The following SUSD6 variants were observed in gnomAD, a reference collection of about 807,000 sequenced individuals.
The protein encoded by SUSD6 is sushi domain containing 6.
In SUSD6, 16 loss-of-function variants were observed where a neutral mutation model predicts 28.4. The ratio of observed to expected loss-of-function variants is 0.56; its 90% confidence interval spans 0.38 to 0.86. The LOEUF (loss-of-function observed/expected upper bound fraction) is 0.86, where lower values mean the gene tolerates loss of function less well. SUSD6 is among the 40% of genes least tolerant of loss of function. The probability of loss-of-function intolerance (pLI) is 0.00; values close to 1 mark genes in which losing one functional copy is unlikely to be tolerated. For missense variants in SUSD6, 341 were observed against 384.2 expected (o/e 0.89, Z 0.94); for synonymous variants, 147 against 159.6 (o/e 0.92, Z 0.59).
intron 1 of SUSD6, among the ~76,000 whole-genome samples, chr14:69,612,146 C>A (rs1477225649): frequency 1.3e-5 from 2 of 151,904 alleles, no homozygotes; most frequent in Non-Finnish European, 2.9e-5. Flanking sequence ...CGTCCCGCGT[C>A]GCTGCCCGGG....
At chr14:69,631,120 A>C (rs756486863) in intron 1 of SUSD6, among the ~76,000 whole-genome samples, 3 of 152,228 alleles carry the variant, frequency 2.0e-5, no homozygotes, top group Non-Finnish European at 4.4e-5. Flanking sequence ...GTGTCACTCA[A>C]AGTATGCTTT....
At chr14:69,693,301 G>GC (rs927725867) in intron 2 of SUSD6, among the ~76,000 whole-genome samples, 1 of 151,720 alleles carries the variant, frequency 6.6e-6, no homozygotes, top group African/African-American at 2.4e-5. Flanking sequence ...GGGGTTCCCA[G>GC]CCCCAGCTGG....
At chr14:69,690,435 C>T (rs149658648) in intron 2 of SUSD6, among the ~76,000 whole-genome samples, 53 of 152,244 alleles carry the variant, frequency 3.5e-4, no homozygotes, top group Middle Eastern at 3.4e-3. Flanking sequence ...TTTAAAGATC[C>T]TTAAAGAGGC....
chr14:69,696,942 G>A (rs1886233552), intron 2 of SUSD6, among the ~76,000 whole-genome samples: 1 of 152,206 alleles, frequency 6.6e-6, no homozygotes, highest in South Asian at 2.1e-4. Flanking sequence ...CTGCTGTATA[G>A]ACAGTATAGA....
intron 4 of SUSD6, among the ~76,000 whole-genome samples, chr14:69,707,589 C>T (rs1387572952): frequency 2.6e-5 from 4 of 151,930 alleles, no homozygotes; most frequent in Non-Finnish European, 5.9e-5. Context: ...AACTCCGTCT[C>T]TACAAAAAAT....
intron 2 of SUSD6, among the ~76,000 whole-genome samples, chr14:69,693,436 A>G (rs1886180612): frequency 6.6e-6 from 1 of 152,098 alleles, no homozygotes; most frequent in Admixed American, 6.5e-5. Flanking sequence ...GGAAGTGAAA[A>G]AGGAGCCGGC....
intron 2 of SUSD6, among the ~76,000 whole-genome samples, chr14:69,672,823 C>A (rs1051997315): frequency 2.0e-5 from 3 of 152,226 alleles, no homozygotes; most frequent in Non-Finnish European, 4.4e-5. Flanking sequence ...CAAGGAAAGG[C>A]CTAGGTGCAT....
At position 69,708,815 on chromosome 14, in the gene SUSD6, G is replaced by C. The variant is rs997304884; in HGVS notation, c.597G>C (p.Val199=). 7 of 1,614,208 alleles carry C rather than the reference G, an allele frequency of 4.3e-6. No individual in the cohort carries two copies. Among genetic ancestry groups the C allele is most frequent in the Non-Finnish European group, 5.1e-6 (6 of 1,180,038 alleles). The change falls in exon 5 of 6, where the codon GTG becomes GTC. Residue 199 remains valine (V), a synonymous_variant. Transcript: ENST00000342745. Reference sequence around the variant, plus strand: ...CTGCTGACCCCAGAGTACAGATTGTGCTGTCAGAAGGGTCTGGGCCCAGTG... The same window carrying C: ...CTGCTGACCCCAGAGTACAGATTGTCCTGTCAGAAGGGTCTGGGCCCAGTG... ...VPPADPRVQI[V]LSEGSGPSGR...
chr14:69,660,613 T>A (rs146429200), intron 2 of SUSD6, among the ~76,000 whole-genome samples: 4 of 152,368 alleles, frequency 2.6e-5, no homozygotes, highest in African/African-American at 7.2e-5. Flanking sequence ...ACTCTCTTAT[T>A]CACCACTGTG....
At chr14:69,707,054 G>T (rs1428537195) in intron 4 of SUSD6, among the ~76,000 whole-genome samples, 1 of 151,850 alleles carries the variant, frequency 6.6e-6, no homozygotes, top group African/African-American at 2.4e-5. Context: ...AACTATAGTG[G>T]ACTGTTTAAC....
intron 5 of SUSD6, among the ~76,000 whole-genome samples, chr14:69,709,519 CAG>C (rs2139649049): frequency 1.3e-5 from 2 of 152,352 alleles, no homozygotes; most frequent in East Asian, 3.9e-4. Flanking sequence ...GCTTTCTAAA[CAG>C]GAGTGTTCCG....
At chr14:69,650,380 C>T (rs751575494) in intron 1 of SUSD6, among the ~76,000 whole-genome samples, 1 of 152,146 alleles carries the variant, frequency 6.6e-6, no homozygotes, top group Non-Finnish European at 1.5e-5. Context: ...TTACAGACGG[C>T]GACTGTACCT....
rs1278897224 is a variant in SUSD6, at chr14:69,714,957, CA to C, written c.*3979del. 2 of 152,148 alleles carry C rather than the reference CA, an allele frequency of 1.3e-5. No individual in the cohort carries two copies. The highest frequency in any genetic ancestry group is 2.4e-5 in the African/African-American group (1 of 41,438). 9.4% of individuals were successfully genotyped at this position (152,148 alleles called of 1,614,324 possible). ...CAACACATTCATAATTGACTCTGTG[CA>C]GGATGTCACTCAATCAGTTTGGGTT... On this transcript the variant is annotated 3_prime_UTR_variant, in exon 6 of 6. Coordinates refer to ENST00000342745, the MANE Select transcript of SUSD6 (RefSeq NM_014734.4).
intron 1 of SUSD6, among the ~76,000 whole-genome samples, chr14:69,647,307 G>A (rs1381116696): frequency 6.6e-6 from 1 of 152,136 alleles, no homozygotes; most frequent in Non-Finnish European, 1.5e-5. Flanking sequence ...GGGTGGATTG[G>A]TCACTCTGCT....
At chr14:69,688,999 T>C (rs188257073) in intron 2 of SUSD6, among the ~76,000 whole-genome samples, 1 of 152,354 alleles carries the variant, frequency 6.6e-6, no homozygotes, top group East Asian at 1.9e-4. Flanking sequence ...AAACATTTGC[T>C]AACTTCTCCG....
intron 2 of SUSD6, among the ~76,000 whole-genome samples, chr14:69,682,159 C>G (rs910556905): frequency 6.6e-6 from 1 of 152,010 alleles, no homozygotes; most frequent in Non-Finnish European, 1.5e-5. Context: ...CAGCGAGGCC[C>G]CATCTCTACT....
At chr14:69,654,079 G>T (rs1182125885) in intron 1 of SUSD6, among the ~76,000 whole-genome samples, 1 of 152,184 alleles carries the variant, frequency 6.6e-6, no homozygotes, top group Admixed American at 6.5e-5. Context: ...TTAGGCTTCA[G>T]GATGGAATTG....
chr14:69,622,097 C>T (rs1264493530), intron 1 of SUSD6, among the ~76,000 whole-genome samples: 1 of 152,212 alleles, frequency 6.6e-6, no homozygotes, highest in Non-Finnish European at 1.5e-5. Flanking sequence ...CAAAGGAATT[C>T]TTTGCAGCAC....
chr14:69,664,443 C>CT (rs1400267095), intron 2 of SUSD6, among the ~76,000 whole-genome samples: 1 of 152,200 alleles, frequency 6.6e-6, no homozygotes, highest in Non-Finnish European at 1.5e-5. Context: ...CGCAAAGCAT[C>CT]TTCCTGTCAG....
Sources: allele counts gnomAD v4.1 joint callset (sites outside exome capture counted in the v4.1 genomes callset), GRCh38; gene constraint gnomAD v4.1.1; transcripts MANE v1.5; gene names NCBI Gene and HGNC (gene_info 2026-07-23, HGNC 2026-07-21).